Variants in PFKP observed in about 807,000 individuals in gnomAD.
PFKP encodes the protein phosphofructokinase, platelet, also known as ATP-dependent 6-phosphofructokinase, platelet type.
In PFKP, 101 loss-of-function variants were observed where a neutral mutation model predicts 94.3. That is an observed-to-expected ratio of 1.07 (90% CI 0.91 to 1.26). The LOEUF (loss-of-function observed/expected upper bound fraction) is 1.26. Among genes scored for constraint, PFKP ranks in the 50% most tolerant of loss-of-function variants. The pLI, the probability that PFKP is intolerant of heterozygous loss-of-function variation, is 0.00. For missense variants in PFKP, 1,145 were observed against 1,103.3 expected, an observed-to-expected ratio of 1.04 and a Z score of -0.53; for synonymous variants, 573 against 432.6, an observed-to-expected ratio of 1.32 and a Z score of -4.03.
rs191674364 is a variant in PFKP at position 3,079,336 on chromosome 10, G to A, written c.113-3052G>A. 4.9e-4 allele frequency among the ~76,000 whole-genome samples: 75 copies of A among 151,980 alleles called. 1 individual carries two copies. The highest frequency in any genetic ancestry group is 1.7e-3 in the African/African-American group (70 of 41,466). On this transcript the variant is annotated intron_variant, in intron 1 of 21. Transcript: ENST00000381125. ...TGCAAGCTCCACCTCCCGGGTTCAC[G>A]CCATTCTCCTGCCTCAGCCTCCCGA...
intron 1 of PFKP, among the ~76,000 whole-genome samples, chr10:3,072,810 A>C (rs1415019487): frequency 6.6e-6 from 1 of 151,994 alleles, no homozygotes; most frequent in East Asian, 1.9e-4. Flanking sequence ...AAAATTAGAA[A>C]GGTGAAGATA....
At chr10:3,134,361 G>A in intron 19 of PFKP, 122 bp from the exon 20 acceptor site, 1 of 686,730 alleles carries the variant, frequency 1.5e-6, no homozygotes, top group South Asian at 1.8e-5. Flanking sequence ...GTTTTGTTCT[G>A]TTCCAACTAT....
At chr10:3,069,103 C>T in intron 1 of PFKP, 2 of 376,150 alleles carry the variant, frequency 5.3e-6, no homozygotes, top group Non-Finnish European at 4.0e-6. Context: ...ACCCGTGCGC[C>T]GCGCGCTCCC....
chr10:3,095,591 G>C (rs1233953055), intron 2 of PFKP, among the ~76,000 whole-genome samples: 3 of 152,188 alleles, frequency 2.0e-5, no homozygotes, highest in Non-Finnish European at 4.4e-5. Flanking sequence ...TTTATGCTCT[G>C]TTTTTCCTAT....
In PFKP at chr10:3,106,602, T is replaced by TG. The variant is rs1218161916; in HGVS notation, c.775-612_775-611insG. Among the ~76,000 whole-genome samples, 4 of 58,166 alleles carry TG rather than the reference T, an allele frequency of 6.9e-5. No individual in the cohort carries two copies. The South Asian group carries it at 1.9e-3, about 27-fold the overall frequency. 38.2% of individuals were successfully genotyped at this position (58,166 alleles called of 152,430 possible). A position where few individuals can be genotyped will look rare whatever the true frequency, so the allele number is the denominator to read the frequency against. On this transcript the variant is annotated intron_variant, in intron 7 of 21. Coordinates refer to ENST00000381125, the MANE Select transcript of PFKP (RefSeq NM_002627.5). ...CGCCCTGCTCCTTCACCCCTGCCCC[T>TG]CTCCTCACCCCTGCCACTGCCCCTT...
At chr10:3,113,282 C>A in intron 12 of PFKP, 90 bp from the exon 13 acceptor site, 1 of 1,575,700 alleles carries the variant, frequency 6.3e-7, no homozygotes, top group Non-Finnish European at 8.7e-7. Flanking sequence ...GTTTTCAGGC[C>A]TGGCACGGCA....
Position 3,082,401 on chromosome 10 carries a change from C to T in PFKP, c.126C>T (p.Ala42=), listed in dbSNP as rs375321943. 49 of 1,606,650 alleles carry T rather than the reference C, an allele frequency of 3.0e-5. No individual in the cohort carries two copies. The highest frequency in any genetic ancestry group is 5.5e-5 in the South Asian group (5 of 90,452). ...SGGDAQGMNA[A]VRAVVRMGIY... ...TTTCCACTGCAGGTATGAACGCTGC[C>T]GTCCGTGCCGTGGTGCGCATGGGTA... is the stretch of plus-strand genomic sequence containing the variant. Residue 42 remains alanine, a synonymous_variant, in exon 2 of 22, where the codon GCC becomes GCT. Transcript: ENST00000381125.
chr10:3,103,404 T>G (rs914754355), intron 4 of PFKP, among the ~76,000 whole-genome samples: 1 of 152,070 alleles, frequency 6.6e-6, no homozygotes. Flanking sequence ...CCCAGCACTT[T>G]GGAAGGCCAA....
chr10:3,123,385 TC>T (rs1043642998), intron 16 of PFKP, among the ~76,000 whole-genome samples: 1 of 152,084 alleles, frequency 6.6e-6, no homozygotes. Flanking sequence ...GGGCAGGGTC[TC>T]CCCCGTATTG....
chr10:3,114,307 GC>G (rs1251068953), intron 13 of PFKP, among the ~76,000 whole-genome samples: 6 of 152,196 alleles, frequency 3.9e-5, no homozygotes, highest in African/African-American at 1.4e-4. Context: ...GCGCCACCAC[GC>G]CCAGCTCATT....
chr10:3,132,718 C>T (rs1273148596), intron 18 of PFKP, among the ~76,000 whole-genome samples: 1 of 152,188 alleles, frequency 6.6e-6, no homozygotes, highest in Non-Finnish European at 1.5e-5. Context: ...GAAGGAAATA[C>T]AGTCATCCCT....
chr10:3,091,540 C>T (rs1350376900), intron 2 of PFKP, among the ~76,000 whole-genome samples: 1 of 152,132 alleles, frequency 6.6e-6, no homozygotes, highest in Admixed American at 6.5e-5. Context: ...TCTTGCCGAG[C>T]ACCGTGGCTC....
chr10:3,084,255 C>T (rs766326666), intron 2 of PFKP, among the ~76,000 whole-genome samples: 4 of 152,190 alleles, frequency 2.6e-5, no homozygotes, highest in Non-Finnish European at 5.9e-5. Flanking sequence ...GCAGGGAAGG[C>T]GGTGCTCTAG....
At chr10:3,101,987 C>G (rs547182032) in intron 4 of PFKP, among the ~76,000 whole-genome samples, 41 of 150,850 alleles carry the variant, frequency 2.7e-4, no homozygotes, top group African/African-American at 9.2e-4. Context: ...CGCGGTGGCT[C>G]ACGCCTGTAA....
At chr10:3,083,252 G>A (rs962434193) in intron 2 of PFKP, among the ~76,000 whole-genome samples, 1 of 152,194 alleles carries the variant, frequency 6.6e-6, no homozygotes, top group Non-Finnish European at 1.5e-5. Context: ...CCTAGTGTCT[G>A]CTGATGTGTT....
chr10:3,112,872 C>T (rs1588503534), intron 11 of PFKP, among the ~76,000 whole-genome samples: 1 of 152,248 alleles, frequency 6.6e-6, no homozygotes, highest in East Asian at 1.9e-4. Context: ...GCATGTCTTG[C>T]AAGAGAAAGT....
chr10:3,088,738 A>G (rs372596594), intron 2 of PFKP, among the ~76,000 whole-genome samples: 228 of 152,264 alleles, frequency 1.5e-3, no homozygotes, highest in African/African-American at 5.1e-3. Flanking sequence ...AAATATGCAT[A>G]TATCATTTAC....
intron 16 of PFKP, chr10:3,129,571 A>G (rs1838319472): frequency 4.0e-6 from 2 of 495,830 alleles, no homozygotes; most frequent in African/African-American, 2.0e-5. Flanking sequence ...GCAGATGGCC[A>G]GGCCCCCAAA....
At chr10:3,118,900 G>GC in intron 15 of PFKP, 31 bp downstream of exon 15, 1 of 1,543,622 alleles carries the variant, frequency 6.5e-7, no homozygotes, top group Non-Finnish European at 8.9e-7. Context: ...TGCCGGTCTT[G>GC]CAGGTGTGAG....
Sources: gnomAD v4.1 joint callset for allele counts (sites outside exome capture counted in the v4.1 genomes callset) on GRCh38, gnomAD v4.1.1 for gene constraint, MANE v1.5 for transcripts, NCBI Gene and HGNC (gene_info 2026-07-23, HGNC 2026-07-21) for gene names.